The following KRT20 variants were observed in gnomAD, a reference collection of about 807,000 sequenced individuals.
The protein encoded by KRT20 is keratin 20.
Under a neutral mutation model 43.0 loss-of-function variants are expected in KRT20, and 41 were observed. The observed-to-expected ratio is 0.95, with a 90% CI of 0.74 to 1.24. KRT20 has a LOEUF of 1.24. KRT20 is among the 50% of genes most tolerant of loss of function. The pLI is 0.00. For missense variants in KRT20, 533 were observed against 521.2 expected (o/e 1.02, Z -0.22); for synonymous variants, 207 against 200.6 (o/e 1.03, Z -0.27).
chr17:40,880,886 A>C (rs1257299313), intron 2 of KRT20, 116 bp from the exon 3 acceptor site: 3 of 675,818 alleles, frequency 4.4e-6, no homozygotes, highest in African/African-American at 1.8e-5. Context: ...CAATTTCAAT[A>C]CTTTATAATG....
At chr17:40,878,905 G>A (rs535596238) in intron 5 of KRT20, among the ~76,000 whole-genome samples, 257 of 151,960 alleles carry the variant, frequency 1.7e-3, no homozygotes, top group African/African-American at 6.0e-3. Flanking sequence ...GGGTTCAAGC[G>A]ATTCTCCTGC....
In KRT20 at chr17:40,885,078, AT is replaced by A. The variant is rs1567759367; in HGVS notation, c.107del (p.Tyr36LeufsTer18). On this transcript the variant is annotated frameshift_variant, in exon 1 of 8. Transcript: ENST00000167588. ...MQRLGTTPSV[Y>X]GGAGGRGIRI... ...GGATGCCCCGGCCTCCAGCACCCCC[AT>A]AAACGCTGGGTGTCGTCCCGAGGCG... The A allele has an allele frequency of 1.9e-6, 3 of 1,614,128 alleles. No individual in the cohort carries two copies. In the South Asian group the frequency reaches 3.3e-5, roughly 18 times the overall value.
At chr17:40,880,579 A>G (rs779205904) in intron 3 of KRT20, 35 bp downstream of exon 3, 1 of 1,586,762 alleles carries the variant, frequency 6.3e-7, no homozygotes, top group Non-Finnish European at 8.6e-7. Flanking sequence ...GAACCATTCC[A>G]TTGTTTCCAA....
intron 2 of KRT20, among the ~76,000 whole-genome samples, chr17:40,881,494 C>G (rs1420740951): frequency 6.6e-6 from 1 of 152,156 alleles, no homozygotes; most frequent in Non-Finnish European, 1.5e-5. Flanking sequence ...CTCAAGTGAG[C>G]CTCCTGCCTC....
chr17:40,879,109 G>A (rs929813224), intron 5 of KRT20, among the ~76,000 whole-genome samples: 2 of 152,178 alleles, frequency 1.3e-5, no homozygotes, highest in African/African-American at 4.8e-5. Flanking sequence ...CTATCAAGTG[G>A]ACCAACCATT....
At chr17:40,879,717 G>T (rs750113951) in intron 5 of KRT20, 96 bp downstream of exon 5, 19 of 1,376,504 alleles carry the variant, frequency 1.4e-5, no homozygotes, top group African/African-American at 2.9e-5. Flanking sequence ...AAGGGGAAGG[G>T]TTATTTCTTG....
chr17:40,878,108 G>A (rs772724029), intron 6 of KRT20, 37 bp downstream of exon 6: 4 of 1,513,378 alleles, frequency 2.6e-6, no homozygotes, highest in Non-Finnish European at 3.7e-6. Flanking sequence ...AGTGCATACA[G>A]ATATTGACAC....
chr17:40,877,434 T>C lies in KRT20; in HGVS notation c.1140-17A>G, dbSNP rs746682449. ...TCTGTAGTTCTGTTTTTTTTTTTAA[T>C]GAAAAGAAGAAAAAAGAAACAGAAA... On this transcript the variant is annotated splice_polypyrimidine_tract_variant and intron_variant, in intron 6 of 7. Transcript: ENST00000167588. 3.5e-6 allele frequency: 5 copies of C among 1,432,754 alleles called. No homozygotes were observed. Among genetic ancestry groups the C allele is most frequent in the Non-Finnish European group, 4.7e-6 (5 of 1,069,042 alleles). The allele number at this position is 1,432,754 out of a possible 1,614,324, so 88.8% of individuals were successfully genotyped here. A position where few individuals can be genotyped will look rare whatever the true frequency, so the allele number is the denominator to read the frequency against.
chr17:40,884,134 T>C (rs16966385), intron 1 of KRT20, among the ~76,000 whole-genome samples: 3,223 of 152,312 alleles, frequency 0.021, 34 homozygotes, highest in South Asian at 0.046. Flanking sequence ...CACCCTTTTT[T>C]TGATGACATA....
In KRT20 at chr17:40,878,169, C is replaced by G; in HGVS notation, c.1115G>C (p.Arg372Pro). The stretch of plus-strand genomic sequence containing the variant: ...CTTTACGTCTTCTCCTTCCAGAAGG[C>G]GGCGGTAAGTAGCAATTTCCTGTTC... ...RLEQEIATYR[R>P]LLEGEDVKTT... The change falls in exon 6 of 8, where the codon CGC becomes CCC. Residue 372 changes from arginine to proline, a missense_variant. By Grantham distance (103) the Arg-to-Pro change is moderately radical. Coordinates refer to ENST00000167588, the MANE Select transcript of KRT20 (RefSeq NM_019010.3). 6.2e-7 allele frequency: 1 copy of G among 1,613,908 alleles called. No homozygotes were observed. Among genetic ancestry groups the G allele is most frequent in the Non-Finnish European group, 8.5e-7 (1 of 1,179,914 alleles).
intron 1 of KRT20, 118 bp from the exon 2 acceptor site, chr17:40,882,772 C>A: frequency 3.5e-6 from 1 of 282,682 alleles, no homozygotes. Flanking sequence ...TGCAATGGTA[C>A]GATCTCGGCT....
Position 40,884,788 on chromosome 17 carries a change from T to C in KRT20, c.390+8A>G. On this transcript the variant is annotated splice_region_variant and intron_variant, in intron 1 of 7. Coordinates refer to ENST00000167588, the MANE Select transcript of KRT20 (RefSeq NM_019010.3). ...CACAGAGTAGGAAACACAAGCATCA[T>C]CTCTCACCTGACTTCGCAGCTCTTC... 6.2e-7 allele frequency: 1 copy of C among 1,608,830 alleles called. No individual in the cohort carries two copies. The highest frequency in any genetic ancestry group is 8.5e-7 in the Non-Finnish European group (1 of 1,176,656).
At chr17:40,882,705 A>G (rs767643639) in intron 1 of KRT20, 51 bp from the exon 2 acceptor site, 6 of 603,704 alleles carry the variant, frequency 9.9e-6, no homozygotes. Context: ...TTATTTATTT[A>G]TTTATTTATT....
At chr17:40,883,296 C>T (rs910647626) in intron 1 of KRT20, among the ~76,000 whole-genome samples, 2 of 152,164 alleles carry the variant, frequency 1.3e-5, no homozygotes, top group African/African-American at 4.8e-5. Flanking sequence ...TAGGACATTT[C>T]TTTTAGCCCC....
chr17:40,880,556 T>A, intron 3 of KRT20, 58 bp downstream of exon 3: 1 of 1,444,100 alleles, frequency 6.9e-7, no homozygotes, highest in Non-Finnish European at 9.6e-7. Context: ...CCTCCTATTA[T>A]TAGTATTATA....
At chr17:40,876,537 T>A in intron 7 of KRT20, 79 bp from the exon 8 acceptor site, 1 of 806,652 alleles carries the variant, frequency 1.2e-6, no homozygotes, top group Non-Finnish European at 2.0e-6. Flanking sequence ...TAAATTATTA[T>A]TCTTTTTACT....
chr17:40,880,672 T>C lies in KRT20; in HGVS notation c.572A>G (p.Glu191Gly), dbSNP rs756053185. 3.2e-5 allele frequency: 52 copies of C among 1,612,658 alleles called. No homozygotes were observed. The South Asian group carries it at 5.2e-4, about 16-fold the overall frequency. Residue 191 changes from glutamate to glycine, a missense_variant, in exon 3 of 8, where the codon GAG (glutamate) becomes GGG (glycine). By Grantham distance (98) the Glu-to-Gly change is moderately conservative. Transcript: ENST00000167588. ...DDLTLHKTDL[E>G]IQIEELNKDL... ...TTTATTCAGTTCTTCAATTTGAATC[T>C]CCAAATCTGTTTTATGTAGGGTTAG...
In KRT20 at chr17:40,884,041, G is replaced by A. The variant is rs112738152; in HGVS notation, c.390+755C>T. Among the ~76,000 whole-genome samples the A allele has an allele frequency of 4.6e-3, 698 of 152,318 alleles. 6 individuals are homozygous for A. The highest frequency in any genetic ancestry group is 0.016 in the African/African-American group (675 of 41,570). ...AGATAAGAACTTTAATTTGAAGCAA[G>A]TGCTCTGTGTCATATCTGAAATTTT... On this transcript the variant is annotated intron_variant, in intron 1 of 7. Transcript: ENST00000167588.
At chr17:40,882,551 G>A (rs771711503) in intron 2 of KRT20, 21 bp downstream of exon 2, 1 of 1,426,532 alleles carries the variant, frequency 7.0e-7, no homozygotes, top group Non-Finnish European at 9.6e-7. Flanking sequence ...AGAAACTTTT[G>A]CCACGTATTA....
Sources: gnomAD v4.1 joint callset for allele counts (sites outside exome capture counted in the v4.1 genomes callset) on GRCh38, gnomAD v4.1.1 for gene constraint, MANE v1.5 for transcripts, NCBI Gene and HGNC (gene_info 2026-07-23, HGNC 2026-07-21) for gene names.